Variants in GNPTAB observed in about 807,000 individuals in gnomAD.
The protein encoded by GNPTAB is N-acetylglucosamine-1-phosphate transferase subunits alpha and beta, also known as N-acetylglucosamine-1-phosphotransferase subunits alpha/beta.
A neutral mutation model predicts 136.6 loss-of-function variants in GNPTAB; 92 were observed. That is an observed-to-expected ratio of 0.67 (90% CI 0.57 to 0.80). The LOEUF (loss-of-function observed/expected upper bound fraction) is 0.80, where lower values mean the gene tolerates loss of function less well. Among genes scored for constraint, GNPTAB ranks in the 30% least tolerant of loss-of-function variants. The probability of loss-of-function intolerance (pLI) is 0.00; values close to 1 mark genes in which losing one functional copy is unlikely to be tolerated. For missense variants in GNPTAB, 1,343 were observed against 1,501.8 expected, an observed-to-expected ratio of 0.89 and a Z score of 1.75; for synonymous variants, 512 against 535.1, an observed-to-expected ratio of 0.96 and a Z score of 0.60.
At chr12:101,765,831 C>T in intron 12 of GNPTAB, 1 of 444,976 alleles carries the variant, frequency 2.2e-6, no homozygotes, top group Non-Finnish European at 4.1e-6. Context: ...AAAACTTCAC[C>T]ACATATTTTC....
Position 101,830,614 on chromosome 12 carries a change from T to G in GNPTAB, c.62A>C (p.Tyr21Ser). 1 of 1,613,018 alleles carries G rather than the reference T, an allele frequency of 6.2e-7. No homozygotes were observed. The highest frequency in any genetic ancestry group is 8.5e-7 in the Non-Finnish European group (1 of 1,179,330). ...YTCLSHRYGLYVCFLGVVVTI... is the reference protein window; with the variant it reads ...YTCLSHRYGLSVCFLGVVVTI... The stretch of plus-strand genomic sequence containing the variant: ...GACAACGACGCCCAAGAAGCACACG[T>G]AGAGCCCATACCTGTGGGACAGGCA... Residue 21 changes from tyrosine to serine, a missense_variant, in exon 1 of 21, where the codon TAC becomes TCC. Physicochemically the swap from Tyr to Ser is moderately radical, Grantham distance 144 (BLOSUM62 -2). Coordinates refer to ENST00000299314, the MANE Select transcript of GNPTAB (RefSeq NM_024312.5).
In GNPTAB at chr12:101,761,551, G is replaced by A. The variant is rs370081726; in HGVS notation, c.2915+13C>T. The A allele has an allele frequency of 1.8e-4, 284 of 1,609,042 alleles. 1 individual carries two copies. The highest frequency in any genetic ancestry group is 2.2e-4 in the Non-Finnish European group (257 of 1,176,160). ...GAACACAAGCAAACAACTCAAACAC[G>A]AGCAAGACTTACATATCTTGCAGTT... On this transcript the variant is annotated intron_variant, in intron 14 of 20. Transcript: ENST00000299314.
chr12:101,781,865 T>C (rs749458916), intron 5 of GNPTAB, among the ~76,000 whole-genome samples: 4 of 152,360 alleles, frequency 2.6e-5, no homozygotes, highest in East Asian at 1.9e-4. Flanking sequence ...AGACCTGGTA[T>C]ATGTATTTGT....
intron 19 of GNPTAB, among the ~76,000 whole-genome samples, chr12:101,751,521 T>C (rs928447166): frequency 6.6e-6 from 1 of 152,164 alleles, no homozygotes; most frequent in Admixed American, 6.6e-5. Context: ...ATCTTTATAA[T>C]TAAATGTTGG....
intron 1 of GNPTAB, among the ~76,000 whole-genome samples, chr12:101,822,850 T>C (rs1171016777): frequency 6.6e-6 from 1 of 152,172 alleles, no homozygotes; most frequent in East Asian, 1.9e-4. Flanking sequence ...AATAAAGGGA[T>C]TGGCTACACA....
chr12:101,798,850 A>G (rs558196595), intron 1 of GNPTAB, among the ~76,000 whole-genome samples: 3 of 152,312 alleles, frequency 2.0e-5, no homozygotes, highest in African/African-American at 4.8e-5. Flanking sequence ...TATTTAGTGC[A>G]ATACCGTAAA....
At chr12:101,803,225 A>G (rs1240106153) in intron 1 of GNPTAB, among the ~76,000 whole-genome samples, 1 of 152,224 alleles carries the variant, frequency 6.6e-6, no homozygotes, top group African/African-American at 2.4e-5. Context: ...ATGTTCCTAG[A>G]TTACAAAAAG....
chr12:101,830,412 C>G, intron 1 of GNPTAB, 147 bp downstream of exon 1: 1 of 629,844 alleles, frequency 1.6e-6, no homozygotes, highest in Non-Finnish European at 2.9e-6. Flanking sequence ...ATCGCCTGAG[C>G]TCAGGAGTTC....
chr12:101,827,835 G>C (rs7968873), intron 1 of GNPTAB, among the ~76,000 whole-genome samples: 39,295 of 151,874 alleles, frequency 0.26, 5,404 homozygotes, highest in African/African-American at 0.35. Context: ...GCGTGATGGC[G>C]GGTGCCTATA....
chr12:101,786,117 A>C lies in GNPTAB; in HGVS notation c.466T>G (p.Ser156Ala). The C allele has an allele frequency of 6.2e-7, 1 of 1,614,104 alleles. No individual in the cohort carries two copies. The highest frequency in any genetic ancestry group is 8.5e-7 in the Non-Finnish European group (1 of 1,179,954). ...GCAGAATGAAAAGAAGGATAAAGAG[A>C]TGGCAGGTCCTTCAGGGTGATGTTG... ...PANITLKDLP[S>A]LYPSFHSASD... The change falls in exon 5 of 21, where the codon TCT becomes GCT. Residue 156 changes from serine (S) to alanine (A), a missense_variant. By Grantham distance (99) the Ser-to-Ala change is moderately conservative. Coordinates refer to ENST00000299314, the MANE Select transcript of GNPTAB (RefSeq NM_024312.5).
chr12:101,823,222 T>C (rs1469329172), intron 1 of GNPTAB, among the ~76,000 whole-genome samples: 1 of 152,178 alleles, frequency 6.6e-6, no homozygotes, highest in Non-Finnish European at 1.5e-5. Flanking sequence ...AGTGCCATGA[T>C]GAACAAGGCC....
chr12:101,830,417 G>A (rs1871305820), intron 1 of GNPTAB, 142 bp downstream of exon 1: 2 of 634,850 alleles, frequency 3.2e-6, no homozygotes, highest in African/African-American at 1.8e-5. Flanking sequence ...CTGAGCTCAG[G>A]AGTTCGAGAC....
chr12:101,787,304 G>T (rs1388899676), intron 4 of GNPTAB, among the ~76,000 whole-genome samples: 1 of 151,940 alleles, frequency 6.6e-6, no homozygotes, highest in Non-Finnish European at 1.5e-5. Flanking sequence ...TATTAAAACT[G>T]AAAGATATGA....
chr12:101,824,145 A>G (rs1042882838), intron 1 of GNPTAB, among the ~76,000 whole-genome samples: 4 of 152,106 alleles, frequency 2.6e-5, no homozygotes, highest in Non-Finnish European at 4.4e-5. Context: ...GGGTATAACA[A>G]GGGCACTCAT....
rs1268189370 is a variant in GNPTAB, at chr12:101,757,615, T to G, written c.3292A>C (p.Thr1098Pro). ...KSLVTNCKPV[T>P]DKIHKAYKDK... ...TTATATGCTTTGTGGATTTTGTCAG[T>G]TACTGGTTTACAGTTTGTTACTAGA... Residue 1098 changes from threonine (T) to proline (P), a missense_variant, in exon 17 of 21, where the codon ACT (threonine) becomes CCT (proline). Transcript: ENST00000299314. The G allele has an allele frequency of 1.9e-6, 3 of 1,589,520 alleles. No individual in the cohort carries two copies. The highest frequency in any genetic ancestry group is 2.6e-6 in the Non-Finnish European group (3 of 1,157,964).
chr12:101,786,468 A>G (rs1310932710), intron 4 of GNPTAB, among the ~76,000 whole-genome samples: 1 of 152,198 alleles, frequency 6.6e-6, no homozygotes, highest in African/African-American at 2.4e-5. Flanking sequence ...ATATTTACTA[A>G]TTCCAAAATG....
chr12:101,773,799 T>A (rs983324310), intron 7 of GNPTAB: 5 of 152,224 alleles, frequency 3.3e-5, no homozygotes, highest in African/African-American at 1.2e-4. Context: ...TCATTACTTT[T>A]GTCAGAAGAG....
At chr12:101,756,477 G>A (rs766606422) in intron 18 of GNPTAB, 1 of 397,714 alleles carries the variant, frequency 2.5e-6, no homozygotes, top group Non-Finnish European at 5.0e-6. Context: ...AGGAGGCTGA[G>A]GTGGGAGGAT....
chr12:101,827,582 G>C (rs949246136), intron 1 of GNPTAB, among the ~76,000 whole-genome samples: 3 of 152,058 alleles, frequency 2.0e-5, no homozygotes, highest in African/African-American at 7.2e-5. Flanking sequence ...CTCGAAGTTT[G>C]GATGAATATA....
Sources: allele counts gnomAD v4.1 joint callset (sites outside exome capture counted in the v4.1 genomes callset), GRCh38; gene constraint gnomAD v4.1.1; transcripts MANE v1.5; gene names NCBI Gene and HGNC (gene_info 2026-07-23, HGNC 2026-07-21).